CLDN16: variants seen among roughly 807,000 people sequenced by gnomAD.
CLDN16 encodes the protein claudin 16.
CLDN16 carries 13 observed loss-of-function variants against 24.6 expected under a neutral mutation model. That is an observed-to-expected ratio of 0.53 (90% CI 0.34 to 0.84). The LOEUF (loss-of-function observed/expected upper bound fraction) is 0.84, where lower values mean the gene tolerates loss of function less well. CLDN16 is among the 40% of genes least tolerant of loss of function. The pLI, the probability that CLDN16 is intolerant of heterozygous loss-of-function variation, is 0.01. For synonymous variants in CLDN16, 116 were observed against 106.7 expected, an observed-to-expected ratio of 1.09 and a Z score of -0.54; for missense variants, 298 against 292.7, an observed-to-expected ratio of 1.02 and a Z score of -0.13.
intron 3 of CLDN16, among the ~76,000 whole-genome samples, chr3:190,407,815 T>C (rs1039296303): frequency 6.6e-6 from 1 of 152,192 alleles, no homozygotes; most frequent in Admixed American, 6.5e-5. Context: ...AGTTTTCACA[T>C]GGGTGCTGAT....
intron 1 of CLDN16, among the ~76,000 whole-genome samples, chr3:190,351,397 T>G (rs1717670147): frequency 6.6e-6 from 1 of 152,164 alleles, no homozygotes; most frequent in African/African-American, 2.4e-5. Flanking sequence ...CTTCCTTTAC[T>G]TAAATTTACA....
the CLDN16 span, among the ~76,000 whole-genome samples, chr3:190,309,253 G>T: frequency 6.6e-6 from 1 of 152,158 alleles, no homozygotes. Context: ...TTTATAAAGT[G>T]CTTTCCTGTG....
intron 1 of CLDN16, among the ~76,000 whole-genome samples, chr3:190,338,474 C>T (rs939482442): frequency 6.6e-6 from 1 of 152,056 alleles, no homozygotes; most frequent in Non-Finnish European, 1.5e-5. Context: ...TCTCTTGGTA[C>T]CCTCATGCCC....
the CLDN16 span, among the ~76,000 whole-genome samples, chr3:190,290,941 G>A: frequency 6.6e-6 from 1 of 152,166 alleles, no homozygotes; most frequent in Admixed American, 6.5e-5. Context: ...CTGTCAGTTG[G>A]TGATAAGAAT....
At chr3:190,337,218 T>C (rs1454646350) in intron 1 of CLDN16, among the ~76,000 whole-genome samples, 3 of 152,172 alleles carry the variant, frequency 2.0e-5, no homozygotes, top group Non-Finnish European at 2.9e-5. Flanking sequence ...TCCAATTTTG[T>C]TGAGTGACAA....
At chr3:190,363,554 G>GAATATATA (rs10663299) in intron 1 of CLDN16, among the ~76,000 whole-genome samples, 1 of 81,364 alleles carries the variant, frequency 1.2e-5, no homozygotes. Context: ...GTGTGTGTGT[G>GAATATATA]TGTATATATA....
At chr3:190,323,414 A>G (rs1168295676) in intron 1 of CLDN16, among the ~76,000 whole-genome samples, 1 of 152,028 alleles carries the variant, frequency 6.6e-6, no homozygotes, top group South Asian at 2.1e-4. Context: ...GTGACTGGCT[A>G]TCTCACCCCT....
intron 1 of CLDN16, among the ~76,000 whole-genome samples, chr3:190,392,057 G>GTTTTTTTTTTTTTTT (rs1278610607): frequency 2.8e-5 from 3 of 108,690 alleles, no homozygotes; most frequent in Non-Finnish European, 4.4e-5. Flanking sequence ...GTCCTTTTCA[G>GTTTTTTTTTTTTTTT]TCTTTTTTTT....
At chr3:190,385,601 C>G (rs1718475790), upstream of CLDN16, among the ~76,000 whole-genome samples, 1 of 151,104 alleles carries the variant, frequency 6.6e-6, no homozygotes, top group African/African-American at 2.4e-5. Flanking sequence ...TCTATGATTT[C>G]CAGAGATATG....
the CLDN16 span, among the ~76,000 whole-genome samples, chr3:190,292,755 A>C: frequency 3.9e-5 from 6 of 152,200 alleles, no homozygotes; most frequent in Admixed American, 2.6e-4. Flanking sequence ...CTCTTTGCTA[A>C]AGCATAGCAA....
intron 1 of CLDN16, among the ~76,000 whole-genome samples, chr3:190,338,779 A>G (rs2108627992): frequency 6.6e-6 from 1 of 152,354 alleles, no homozygotes; most frequent in Middle Eastern, 3.4e-3. Flanking sequence ...TGAAGAAGCT[A>G]AGACCAGATA....
At chr3:190,394,933 A>G (rs1469345590) in intron 1 of CLDN16, among the ~76,000 whole-genome samples, 4 of 152,156 alleles carry the variant, frequency 2.6e-5, no homozygotes, top group Non-Finnish European at 5.9e-5. Flanking sequence ...GATGAAGAGT[A>G]TATTCTGGAC....
At chr3:190,330,557 T>G (rs189141069) in intron 1 of CLDN16, among the ~76,000 whole-genome samples, 4,187 of 152,148 alleles carry the variant, frequency 0.028, 91 homozygotes, top group Admixed American at 0.039. Flanking sequence ...CATCATCCGG[T>G]GGTGGTGAAG....
intron 1 of CLDN16, among the ~76,000 whole-genome samples, chr3:190,359,395 G>A (rs2108640447): frequency 6.6e-6 from 1 of 152,160 alleles, no homozygotes; most frequent in Middle Eastern, 3.4e-3. Context: ...CTAGCTCTAT[G>A]TAAGTGTTCA....
the CLDN16 span, among the ~76,000 whole-genome samples, chr3:190,293,577 A>C: frequency 6.6e-6 from 1 of 152,348 alleles, no homozygotes; most frequent in African/African-American, 2.4e-5. Context: ...ACCAATGAAA[A>C]GGTCCAATAA....
chr3:190,372,161 G>C (rs1316403659), intron 2 of CLDN16, among the ~76,000 whole-genome samples: 1 of 151,830 alleles, frequency 6.6e-6, no homozygotes, highest in African/African-American at 2.4e-5. Context: ...TCTTGTATTT[G>C]GACAGCATTT....
chr3:190,335,943 T>C (rs1213007057), intron 1 of CLDN16, among the ~76,000 whole-genome samples: 1 of 152,070 alleles, frequency 6.6e-6, no homozygotes, highest in Non-Finnish European at 1.5e-5. Flanking sequence ...TAGTGGTAAG[T>C]AGAGTATTTA....
At chr3:190,375,793 T>C (rs149807605) in intron 3 of CLDN16, among the ~76,000 whole-genome samples, 120 of 151,908 alleles carry the variant, frequency 7.9e-4, no homozygotes, top group African/African-American at 2.7e-3. Flanking sequence ...TGCAACTAAA[T>C]TGTTACTTTC....
rs984165827 is a variant in CLDN16, at chr3:190,411,281, A to G, written c.*1245A>G. 1 of 152,086 alleles carries G rather than the reference A, an allele frequency of 6.6e-6. No homozygotes were observed. Among genetic ancestry groups the G allele is most frequent in the Admixed American group, 6.5e-5 (1 of 15,270 alleles). The allele number at this position is 152,086 out of a possible 1,614,324, so 9.4% of individuals were successfully genotyped here. ...CTCAAAAAACAAAAATAAATAAATA[A>G]ATAAATATTCTTCATAAAATGTGGG... On this transcript the variant is annotated 3_prime_UTR_variant, in exon 5 of 5. Transcript: ENST00000264734.
Sources: gnomAD v4.1 joint callset for allele counts (sites outside exome capture counted in the v4.1 genomes callset) on GRCh38, gnomAD v4.1.1 for gene constraint, MANE v1.5 for transcripts, NCBI Gene and HGNC (gene_info 2026-07-23, HGNC 2026-07-21) for gene names.